The following SYTL2 variants were observed in gnomAD, a reference collection of about 807,000 sequenced individuals.
SYTL2 encodes synaptotagmin like 2, also known as synaptotagmin-like protein 2.
SYTL2 carries 165 observed loss-of-function variants against 198.7 expected under a neutral mutation model. The observed-to-expected ratio is 0.83, with a 90% confidence interval of 0.73 to 0.94. The LOEUF is 0.94. Ranked by LOEUF, SYTL2 falls within the 40% of genes least tolerant of loss-of-function variation. The probability of loss-of-function intolerance (pLI) is 0.00; values close to 1 mark genes in which losing one functional copy is unlikely to be tolerated. For missense variants in SYTL2, 2,835 were observed against 2,582.8 expected, an observed-to-expected ratio of 1.10 and a Z score of -2.12; for synonymous variants, 966 against 917.7, an observed-to-expected ratio of 1.05 and a Z score of -0.95.
In SYTL2 at chr11:85,724,845, G is replaced by C. The variant is rs141429981; in HGVS notation, c.4513C>G (p.Leu1505Val). Reference sequence around the variant, plus strand: ...GGGAAGGTTTCAGTTTCTTCCTTCAGTAGTTTTTCTAAGCCAGCACTGAAT... The same window carrying C: ...GGGAAGGTTTCAGTTTCTTCCTTCACTAGTTTTTCTAAGCCAGCACTGAAT... Reference protein sequence around the residue: ...LEFSAGLEKLLKEETETFPSK... With the variant: ...LEFSAGLEKLVKEETETFPSK... Residue 1505 changes from leucine (L) to valine (V), a missense_variant, in exon 8 of 20, where the codon CTG becomes GTG. This residue lies in a region of SYTL2 where 2,645 missense variants were observed against 2,381.7 expected (regional missense o/e 1.11). Transcript: ENST00000359152. 9 of 1,613,518 alleles carry C rather than the reference G, an allele frequency of 5.6e-6. No homozygotes were observed. The highest frequency in any genetic ancestry group is 1.6e-4 in the Middle Eastern group (1 of 6,076).
chr11:85,849,275 G>A, the SYTL2 span, among the ~76,000 whole-genome samples: 1 of 152,038 alleles, frequency 6.6e-6, no homozygotes, highest in Non-Finnish European at 1.5e-5. Flanking sequence ...CTTTTGCTGT[G>A]CAGAAGCTCT....
chr11:85,741,759 C>G (rs1237080492), intron 4 of SYTL2, among the ~76,000 whole-genome samples: 1 of 152,106 alleles, frequency 6.6e-6, no homozygotes, highest in East Asian at 1.9e-4. Context: ...GAAAGACTTT[C>G]AGGAAAAAGA....
At chr11:85,833,070 A>G in the SYTL2 span, among the ~76,000 whole-genome samples, 39 of 43,732 alleles carry the variant, frequency 8.9e-4, no homozygotes, top group Admixed American at 2.7e-3. Flanking sequence ...AAAGAAAGAA[A>G]GAAAGAAAGA....
Position 85,698,063 on chromosome 11 carries a change from G to A in SYTL2, c.6284C>T (p.Thr2095Ile). 1 of 1,613,286 alleles carries A rather than the reference G, an allele frequency of 6.2e-7. No homozygotes were observed. The highest frequency in any genetic ancestry group is 8.5e-7 in the Non-Finnish European group (1 of 1,179,380). ...PEPVPGKKLP[T>I]TGEVHIWVKE... ...CACCCAGATGTGCACTTCTCCAGTTGTAGGAAGCTTTTTACCTACAATAGA... is the reference window on the plus strand; with the variant it reads ...CACCCAGATGTGCACTTCTCCAGTTATAGGAAGCTTTTTACCTACAATAGA... The change falls in exon 18 of 20, where the codon ACA becomes ATA. Residue 2095 changes from threonine to isoleucine, a missense_variant. This residue lies in a region of SYTL2 where 185 missense variants were observed against 182.1 expected (regional missense o/e 1.02). Transcript: ENST00000359152.
At chr11:85,816,039 C>T (rs1363695237), upstream of SYTL2, among the ~76,000 whole-genome samples, 2 of 152,014 alleles carry the variant, frequency 1.3e-5, no homozygotes, top group African/African-American at 4.8e-5. Flanking sequence ...GTGGTGCATG[C>T]CTGTAATCCC....
upstream of SYTL2, among the ~76,000 whole-genome samples, chr11:85,813,967 C>G (rs1266669847): frequency 6.6e-6 from 1 of 152,166 alleles, no homozygotes; most frequent in Non-Finnish European, 1.5e-5. Context: ...CTCAGCATCT[C>G]TAAGTGTTGG....
intron 13 of SYTL2, among the ~76,000 whole-genome samples, chr11:85,710,806 A>C (rs1207191931): frequency 6.6e-6 from 1 of 152,146 alleles, no homozygotes; most frequent in Non-Finnish European, 1.5e-5. Flanking sequence ...AGATTTTATC[A>C]TAGTTACCCC....
rs759209339 is a variant in SYTL2 at position 85,724,330 on chromosome 11, A to G, written c.5028T>C (p.Ile1676=). 6.3e-7 allele frequency: 1 copy of G among 1,582,110 alleles called. No individual in the cohort carries two copies. Among genetic ancestry groups the G allele is most frequent in the Non-Finnish European group, 8.6e-7 (1 of 1,166,992 alleles). ...TGTCCTCTGGGGGGGTTACAGTTTT[A>G]ATGGTCCCTATTTCATGAGCCACAT... ...QLYVAHEIGT[I]KTVTPPEDRD... is the part of the protein sequence containing the mutation. The change falls in exon 8 of 20, where the codon ATT becomes ATC. Residue 1676 remains isoleucine (I), a synonymous_variant. Coordinates refer to ENST00000359152, the MANE Select transcript of SYTL2 (RefSeq NM_206927.4).
intron 3 of SYTL2, among the ~76,000 whole-genome samples, chr11:85,746,480 A>G (rs907379474): frequency 1.9e-4 from 29 of 152,220 alleles, no homozygotes; most frequent in African/African-American, 7.0e-4. Context: ...CTTTGCATGC[A>G]TTATTCTATG....
In SYTL2 at chr11:85,725,337, G is replaced by C. The variant is rs1435239008; in HGVS notation, c.4021C>G (p.Pro1341Ala). 3.1e-6 allele frequency: 5 copies of C among 1,613,906 alleles called. No homozygotes were observed. The highest frequency in any genetic ancestry group is 1.7e-4 in the Middle Eastern group (1 of 6,060). ...MLFPQDAHLV[P>A]QARVHPSQTE... ...TGAGAAGGGTGTACCCTAGCCTGGG[G>C]AACAAGATGAGCATCCTGGGGAAAA... is the stretch of plus-strand genomic sequence containing the variant. Residue 1341 changes from proline (P) to alanine (A), a missense_variant, in exon 8 of 20, where the codon CCC becomes GCC. Physicochemically the swap from Pro to Ala is conservative, Grantham distance 27. Around this residue, in one of 3 missense-constraint regions of SYTL2, gnomAD observed 2,645 missense variants for 2,381.7 expected, o/e 1.11. Transcript: ENST00000359152.
intron 1 of SYTL2, among the ~76,000 whole-genome samples, chr11:85,769,884 C>T (rs1464878768): frequency 6.6e-6 from 1 of 152,162 alleles, no homozygotes; most frequent in Non-Finnish European, 1.5e-5. Flanking sequence ...AGAACCACAA[C>T]CACTTGCAAA....
At chr11:85,738,783 T>C (rs2090559580) in intron 4 of SYTL2, among the ~76,000 whole-genome samples, 1 of 152,096 alleles carries the variant, frequency 6.6e-6, no homozygotes, top group African/African-American at 2.4e-5. Context: ...AGTTACATAA[T>C]CAGAAGACCT....
chr11:85,721,571 T>C (rs1237800265), intron 8 of SYTL2, among the ~76,000 whole-genome samples: 1 of 152,158 alleles, frequency 6.6e-6, no homozygotes, highest in Non-Finnish European at 1.5e-5. Context: ...CGTTATTTTA[T>C]AAAAGGAATG....
At chr11:85,831,611 A>C in the SYTL2 span, among the ~76,000 whole-genome samples, 1 of 152,226 alleles carries the variant, frequency 6.6e-6, no homozygotes, top group Non-Finnish European at 1.5e-5. Context: ...ATTTCTAAAA[A>C]CACAAGAAAA....
chr11:85,839,584 T>C, the SYTL2 span, among the ~76,000 whole-genome samples: 54 of 152,344 alleles, frequency 3.5e-4, no homozygotes, highest in African/African-American at 1.3e-3. Flanking sequence ...CATAATGATA[T>C]TCAGTTTCAT....
At position 85,810,988 on chromosome 11, in the gene SYTL2, C is replaced by T. The variant is rs2093024564; in HGVS notation, c.-424G>A. On this transcript the variant is annotated 5_prime_UTR_variant, in exon 1 of 20. Coordinates refer to ENST00000359152, the MANE Select transcript of SYTL2 (RefSeq NM_206927.4). ...GCTGCCGGGCAGGGAGCGCGCCTCGCCGTCTCTCTTGTCTTCTGGCCCCCA... is the reference window on the plus strand; with the variant it reads ...GCTGCCGGGCAGGGAGCGCGCCTCGTCGTCTCTCTTGTCTTCTGGCCCCCA... 6.6e-6 allele frequency: 1 copy of T among 152,248 alleles called. No individual in the cohort carries two copies. Among genetic ancestry groups the T allele is most frequent in the South Asian group, 2.1e-4 (1 of 4,832 alleles). The allele number at this position is 152,248 out of a possible 1,614,324, so 9.4% of individuals were successfully genotyped here.
intron 1 of SYTL2, among the ~76,000 whole-genome samples, chr11:85,768,032 A>T (rs2092279890): frequency 6.6e-6 from 1 of 152,204 alleles, no homozygotes; most frequent in African/African-American, 2.4e-5. Context: ...GCACATAGTT[A>T]GACACTCACT....
intron 1 of SYTL2, among the ~76,000 whole-genome samples, chr11:85,769,047 A>G (rs573563928): frequency 6.6e-6 from 1 of 152,316 alleles, no homozygotes; most frequent in Non-Finnish European, 1.5e-5. Flanking sequence ...TTAAGAAAAA[A>G]AGCAAAACAA....
chr11:85,822,714 G>C, the SYTL2 span, among the ~76,000 whole-genome samples: 1 of 152,216 alleles, frequency 6.6e-6, no homozygotes, highest in Non-Finnish European at 1.5e-5. Context: ...GAATCCCAAG[G>C]AAAGTATTTA....
Sources: gnomAD v4.1 joint callset for allele counts (sites outside exome capture counted in the v4.1 genomes callset) on GRCh38, gnomAD v4.1.1 for gene constraint, gnomAD v4.1.1 regional missense constraint, MANE v1.5 for transcripts, NCBI Gene and HGNC (gene_info 2026-07-23, HGNC 2026-07-21) for gene names.